Variants in TMEM117 observed in about 807,000 individuals in gnomAD.
TMEM117 encodes the protein transmembrane protein 117.
TMEM117 carries 27 observed loss-of-function variants against 52.4 expected under a neutral mutation model. The ratio of observed to expected loss-of-function variants is 0.51; its 90% confidence interval spans 0.38 to 0.71. TMEM117 has a LOEUF of 0.71. Ranked by LOEUF, TMEM117 falls within the 30% of genes least tolerant of loss-of-function variation. TMEM117 has a pLI of 0.00. For missense variants in TMEM117, 556 were observed against 630.5 expected (o/e 0.88, Z 1.26); for synonymous variants, 215 against 206.3 (o/e 1.04, Z -0.36).
chr12:44,274,162 A>G (rs1328948950), intron 5 of TMEM117, among the ~76,000 whole-genome samples: 4 of 152,160 alleles, frequency 2.6e-5, no homozygotes, highest in Non-Finnish European at 5.9e-5. Context: ...CTATGTGCCA[A>G]CAGTGAACCA....
rs750554792 is a variant in TMEM117 at position 44,299,616 on chromosome 12, T to G, written c.645T>G (p.Leu215=). 2.7e-5 allele frequency: 44 copies of G among 1,614,226 alleles called. 1 individual carries two copies. The South Asian group carries it at 4.8e-4, about 18-fold the overall frequency. The change falls in exon 6 of 8, where the codon CTT becomes CTG. Residue 215 remains leucine (L), a synonymous_variant. Coordinates refer to ENST00000266534, the MANE Select transcript of TMEM117 (RefSeq NM_032256.3). The part of the protein sequence containing the change: ...VLFTLTSVVV[L]VITTDWISWD... ...TTACTCTGACGTCTGTGGTTGTACTTGTGATTACAACGGACTGGATCAGCT... is the reference window on the plus strand; with the variant it reads ...TTACTCTGACGTCTGTGGTTGTACTGGTGATTACAACGGACTGGATCAGCT...
chr12:43,870,025 G>A (rs984917246), intron 2 of TMEM117, among the ~76,000 whole-genome samples: 1 of 152,078 alleles, frequency 6.6e-6, no homozygotes, highest in Admixed American at 6.5e-5. Flanking sequence ...TGTGGTATTT[G>A]GTTTTCTGTT....
chr12:44,254,433 C>CT (rs1266209208), intron 5 of TMEM117, among the ~76,000 whole-genome samples: 6 of 151,882 alleles, frequency 4.0e-5, no homozygotes, highest in Admixed American at 2.0e-4. Flanking sequence ...AATGAAAACT[C>CT]TAAGTACCAT....
At chr12:43,830,296 G>A in the TMEM117 span, among the ~76,000 whole-genome samples, 1 of 151,862 alleles carries the variant, frequency 6.6e-6, no homozygotes, top group Non-Finnish European at 1.5e-5. Flanking sequence ...CCCTCTGTTT[G>A]CATGACTCCT....
At chr12:44,377,135 T>G (rs979318907) in intron 7 of TMEM117, among the ~76,000 whole-genome samples, 4 of 152,178 alleles carry the variant, frequency 2.6e-5, no homozygotes, top group African/African-American at 9.7e-5. Flanking sequence ...CCACTTCTGG[T>G]GTCAGATCTG....
At chr12:43,944,080 C>T (rs1945088367) in intron 2 of TMEM117, 130 bp from the exon 3 acceptor site, 2 of 739,604 alleles carry the variant, frequency 2.7e-6, no homozygotes, top group African/African-American at 1.8e-5. Flanking sequence ...TGTGGCTTCA[C>T]TCATAAGGCA....
intron 3 of TMEM117, among the ~76,000 whole-genome samples, chr12:43,961,693 G>A (rs541358037): frequency 2.0e-5 from 3 of 152,262 alleles, no homozygotes; most frequent in South Asian, 4.1e-4. Flanking sequence ...ATGGATGATA[G>A]CATGGGAATT....
chr12:44,338,937 T>C (rs1951379240), intron 6 of TMEM117, among the ~76,000 whole-genome samples: 1 of 152,060 alleles, frequency 6.6e-6, no homozygotes, highest in Non-Finnish European at 1.5e-5. Flanking sequence ...AGGTATGTCT[T>C]GTAGAACAGC....
At chr12:43,867,646 G>A (rs1943626066) in intron 2 of TMEM117, among the ~76,000 whole-genome samples, 1 of 150,434 alleles carries the variant, frequency 6.6e-6, no homozygotes, top group Non-Finnish European at 1.5e-5. Flanking sequence ...AATATATCCT[G>A]TAAACAGTTA....
At chr12:44,054,858 A>G (rs1417504769) in intron 3 of TMEM117, among the ~76,000 whole-genome samples, 2 of 151,910 alleles carry the variant, frequency 1.3e-5, no homozygotes, top group Non-Finnish European at 2.9e-5. Context: ...CATCATTTAC[A>G]TTAGGTATGT....
intron 6 of TMEM117, among the ~76,000 whole-genome samples, chr12:44,300,445 A>AT (rs150426769): frequency 0.062 from 9,456 of 152,138 alleles, 438 homozygotes; most frequent in African/African-American, 0.13. Flanking sequence ...TCATAAGGCA[A>AT]TTTTTTTCCC....
At chr12:44,043,716 G>A (rs1028871265) in intron 3 of TMEM117, among the ~76,000 whole-genome samples, 3 of 152,130 alleles carry the variant, frequency 2.0e-5, no homozygotes, top group African/African-American at 7.2e-5. Context: ...GTCCCAGTGG[G>A]CCCCTGGAAG....
At chr12:44,308,970 T>G (rs1172175357) in intron 6 of TMEM117, among the ~76,000 whole-genome samples, 3 of 152,172 alleles carry the variant, frequency 2.0e-5, no homozygotes, top group Non-Finnish European at 2.9e-5. Context: ...TTCTATGGGC[T>G]CCTCTATGAG....
intron 3 of TMEM117, chr12:44,010,265 T>C (rs73087652): frequency 4.4e-6 from 2 of 457,786 alleles, no homozygotes; most frequent in Non-Finnish European, 8.8e-6. Context: ...TAAGAGCACT[T>C]CAGTAAGCTC....
chr12:44,142,992 CAT>C (rs1026102378), intron 3 of TMEM117, among the ~76,000 whole-genome samples: 3 of 152,134 alleles, frequency 2.0e-5, no homozygotes, highest in African/African-American at 7.2e-5. Flanking sequence ...TTAAATCACA[CAT>C]ATTTGGATCA....
At chr12:44,309,420 C>G (rs1174794648) in intron 6 of TMEM117, among the ~76,000 whole-genome samples, 1 of 152,012 alleles carries the variant, frequency 6.6e-6, no homozygotes, top group Non-Finnish European at 1.5e-5. Flanking sequence ...AGTGTCAAGT[C>G]TAGTTAGATT....
intron 3 of TMEM117, among the ~76,000 whole-genome samples, chr12:44,022,913 A>G (rs138086164): frequency 1.9e-4 from 29 of 152,310 alleles, no homozygotes; most frequent in African/African-American, 6.7e-4. Flanking sequence ...GATTACATCA[A>G]TGAGGTCTGG....
chr12:44,302,951 T>C (rs1048903684), intron 6 of TMEM117, among the ~76,000 whole-genome samples: 1 of 152,174 alleles, frequency 6.6e-6, no homozygotes, highest in African/African-American at 2.4e-5. Context: ...CTGAAACACC[T>C]GTCCTTATTA....
chr12:44,089,273 A>C (rs904063176), intron 3 of TMEM117, among the ~76,000 whole-genome samples: 3 of 152,236 alleles, frequency 2.0e-5, no homozygotes, highest in African/African-American at 7.2e-5. Context: ...GTTAGAAGAA[A>C]TATAATAAAT....
Sources: allele counts gnomAD v4.1 joint callset (sites outside exome capture counted in the v4.1 genomes callset), GRCh38; gene constraint gnomAD v4.1.1; transcripts MANE v1.5; gene names NCBI Gene and HGNC (gene_info 2026-07-23, HGNC 2026-07-21).